The following SFT2D1 variants were observed in gnomAD, a reference collection of about 807,000 sequenced individuals.
SFT2D1 encodes vesicle transport protein SFT2A.
A neutral mutation model predicts 28.1 loss-of-function variants in SFT2D1; 24 were observed. That is an observed-to-expected ratio of 0.85 (90% CI 0.62 to 1.20). SFT2D1 has a LOEUF of 1.20. Among genes scored for constraint, SFT2D1 ranks in the 50% most tolerant of loss-of-function variants. The pLI, the probability that SFT2D1 is intolerant of heterozygous loss-of-function variation, is 0.00. For synonymous variants in SFT2D1, 82 were observed against 73.7 expected, an observed-to-expected ratio of 1.11 and a Z score of -0.58; for missense variants, 181 against 190.9, an observed-to-expected ratio of 0.95 and a Z score of 0.31.
intron 1 of SFT2D1, among the ~76,000 whole-genome samples, 172 bp downstream of exon 1, chr6:166,342,247 G>GA (rs1778797775): frequency 6.6e-6 from 1 of 152,194 alleles, no homozygotes; most frequent in Admixed American, 6.5e-5. Context: ...TGGAAAACTG[G>GA]AAAGTTCTCA....
At chr6:166,326,039 G>C in intron 5 of SFT2D1, 93 bp downstream of exon 5, 1 of 1,204,374 alleles carries the variant, frequency 8.3e-7, no homozygotes, top group Non-Finnish European at 1.2e-6. Context: ...TAAAAAAACA[G>C]ATGAGCTATT....
intron 1 of SFT2D1, chr6:166,335,186 G>C: frequency 3.2e-6 from 2 of 620,646 alleles, no homozygotes; most frequent in Non-Finnish European, 6.0e-6. Flanking sequence ...TTTGGTGGTG[G>C]TTGTGGAGGT....
At chr6:166,336,221 C>T (rs556606979) in intron 1 of SFT2D1, among the ~76,000 whole-genome samples, 73 of 151,940 alleles carry the variant, frequency 4.8e-4, no homozygotes, top group African/African-American at 1.2e-3. Context: ...ACACTCTGCT[C>T]GGGTGGAGAA....
At chr6:166,333,718 T>C (rs570842736) in intron 1 of SFT2D1, among the ~76,000 whole-genome samples, 2 of 152,326 alleles carry the variant, frequency 1.3e-5, no homozygotes, top group Non-Finnish European at 1.5e-5. Context: ...CAGCCCCCCA[T>C]GGCCTGCACA....
At chr6:166,331,975 A>T (rs557133807) in intron 1 of SFT2D1, among the ~76,000 whole-genome samples, 1 of 152,232 alleles carries the variant, frequency 6.6e-6, no homozygotes, top group Non-Finnish European at 1.5e-5. Context: ...TTCTCTCAGC[A>T]AGGAAACAGC....
intron 1 of SFT2D1, among the ~76,000 whole-genome samples, chr6:166,332,112 A>C (rs1199393703): frequency 3.3e-5 from 5 of 152,220 alleles, no homozygotes; most frequent in Non-Finnish European, 7.3e-5. Context: ...TCCACAAGCA[A>C]ATGATTTGTC....
chr6:166,326,921 G>C (rs1318978497), intron 4 of SFT2D1, among the ~76,000 whole-genome samples: 2 of 152,190 alleles, frequency 1.3e-5, no homozygotes, highest in African/African-American at 4.8e-5. Flanking sequence ...TATTCTAACA[G>C]TGAAATATAC....
chr6:166,333,750 C>T (rs1021023283), intron 1 of SFT2D1, among the ~76,000 whole-genome samples: 2 of 152,202 alleles, frequency 1.3e-5, no homozygotes, highest in African/African-American at 2.4e-5. Context: ...CAATCTAAGG[C>T]TTCTTGCTTT....
At chr6:166,320,310 T>C (rs1357573555) in intron 7 of SFT2D1, 54 bp from the exon 8 acceptor site, 4 of 1,472,694 alleles carry the variant, frequency 2.7e-6, no homozygotes, top group African/African-American at 2.8e-5. Context: ...AAAAGCAAAG[T>C]TGCGCAAAAT....
chr6:166,342,200 C>CG (rs397698776), intron 1 of SFT2D1, among the ~76,000 whole-genome samples: 49,352 of 150,700 alleles, frequency 0.33, 8,646 homozygotes, highest in Admixed American at 0.45. Flanking sequence ...ATGGGAGAGT[C>CG]GGGGGGGGGC....
chr6:166,333,985 C>T (rs1035995720), intron 1 of SFT2D1, among the ~76,000 whole-genome samples: 5 of 152,230 alleles, frequency 3.3e-5, no homozygotes, highest in Admixed American at 2.6e-4. Flanking sequence ...TGAGATCCAC[C>T]TGTCCACCCT....
intron 1 of SFT2D1, among the ~76,000 whole-genome samples, chr6:166,338,432 G>A (rs1229981790): frequency 6.6e-6 from 1 of 152,136 alleles, no homozygotes; most frequent in Non-Finnish European, 1.5e-5. Flanking sequence ...GGGGAAAATG[G>A]GCAATAAACT....
intron 1 of SFT2D1, among the ~76,000 whole-genome samples, chr6:166,332,367 A>G (rs1778567619): frequency 6.6e-6 from 1 of 152,042 alleles, no homozygotes; most frequent in Non-Finnish European, 1.5e-5. Context: ...TGATTCTCCT[A>G]CCTCAGTCTC....
intron 1 of SFT2D1, chr6:166,334,816 C>A: frequency 2.3e-6 from 1 of 426,286 alleles, no homozygotes; most frequent in South Asian, 1.9e-5. Flanking sequence ...CAAAGCCACA[C>A]AAGGTGGATG....
In SFT2D1 at chr6:166,329,595, T is replaced by C; in HGVS notation, c.151-6A>G. 1 of 1,598,106 alleles carries C rather than the reference T, an allele frequency of 6.3e-7. No homozygotes were observed. Among genetic ancestry groups the C allele is most frequent in the Non-Finnish European group, 8.5e-7 (1 of 1,170,314 alleles). On this transcript the variant is annotated splice_region_variant and splice_polypyrimidine_tract_variant and intron_variant, in intron 2 of 7. Coordinates refer to ENST00000361731, the MANE Select transcript of SFT2D1 (RefSeq NM_145169.3). The stretch of plus-strand genomic sequence containing the variant: ...AGCCACAGCAATCCAGTTCCCTAAG[T>C]TAAGATATTATAGTTATTTTAAAAT...
At chr6:166,329,245 A>G (rs1390812679) in intron 3 of SFT2D1, among the ~76,000 whole-genome samples, 4 of 152,238 alleles carry the variant, frequency 2.6e-5, no homozygotes, top group African/African-American at 9.6e-5. Flanking sequence ...CAAGCTCGTC[A>G]TAATACATAC....
At chr6:166,340,419 A>G (rs1351295481) in intron 1 of SFT2D1, among the ~76,000 whole-genome samples, 1 of 152,192 alleles carries the variant, frequency 6.6e-6, no homozygotes, top group Non-Finnish European at 1.5e-5. Context: ...GAGAACCCTC[A>G]CAATTGAGAA....
intron 1 of SFT2D1, among the ~76,000 whole-genome samples, chr6:166,338,478 C>T (rs575917190): frequency 6.6e-6 from 1 of 152,044 alleles, no homozygotes; most frequent in Non-Finnish European, 1.5e-5. Context: ...TAAATAGGGG[C>T]AGAGTAACTG....
intron 1 of SFT2D1, among the ~76,000 whole-genome samples, chr6:166,330,800 G>A (rs990268169): frequency 2.0e-5 from 3 of 152,208 alleles, no homozygotes; most frequent in Non-Finnish European, 2.9e-5. Flanking sequence ...CCGGTCATTG[G>A]CTGCAGGCCA....
Sources: gnomAD v4.1 joint callset for allele counts (sites outside exome capture counted in the v4.1 genomes callset) on GRCh38, gnomAD v4.1.1 for gene constraint, MANE v1.5 for transcripts, NCBI Gene and HGNC (gene_info 2026-07-23, HGNC 2026-07-21) for gene names.